The following TP63 variants were observed in gnomAD, a reference collection of about 807,000 sequenced individuals.
TP63 encodes tumor protein 63.
In TP63, 17 loss-of-function variants were observed where a neutral mutation model predicts 82.8. The ratio of observed to expected loss-of-function variants is 0.21; its 90% CI spans 0.14 to 0.31. The LOEUF is 0.31. Ranked by LOEUF, TP63 falls within the 10% of genes least tolerant of loss-of-function variation. The probability of loss-of-function intolerance (pLI) is 1.00; values close to 1 mark genes in which losing one functional copy is unlikely to be tolerated. For synonymous variants in TP63, 330 were observed against 321.7 expected, an observed-to-expected ratio of 1.03 and a Z score of -0.28; for missense variants, 648 against 895.3, an observed-to-expected ratio of 0.72 and a Z score of 3.52.
intron 10 of TP63, among the ~76,000 whole-genome samples, chr3:189,875,637 T>A (rs1188020612): frequency 5.7e-4 from 73 of 128,806 alleles, no homozygotes; most frequent in African/African-American, 1.7e-3. Flanking sequence ...TATATATATA[T>A]AAACTATTCT....
intron 12 of TP63, 109 bp from the exon 13 acceptor site, chr3:189,890,680 T>C: frequency 3.5e-6 from 3 of 847,218 alleles, no homozygotes; most frequent in Non-Finnish European, 5.9e-6. Context: ...ATCTCTGATG[T>C]GGGGCATCCA....
upstream of TP63, among the ~76,000 whole-genome samples, chr3:189,627,325 G>A (rs9830151): frequency 0.74 from 112,286 of 152,034 alleles, 43,440 homozygotes; most frequent in Middle Eastern, 0.87. Context: ...ACAAACAAAC[G>A]AGAGATCCAC....
At chr3:189,784,814 C>T (rs1724476980) in intron 3 of TP63, among the ~76,000 whole-genome samples, 1 of 152,006 alleles carries the variant, frequency 6.6e-6, no homozygotes, top group Non-Finnish European at 1.5e-5. Context: ...TGAACTAATT[C>T]AGTGGCCTTC....
intron 4 of TP63, among the ~76,000 whole-genome samples, chr3:189,812,075 C>G (rs183397424): frequency 3.3e-5 from 5 of 152,342 alleles, no homozygotes; most frequent in Admixed American, 6.5e-5. Context: ...ATGCTTATCG[C>G]ATAGTCTTCT....
chr3:189,779,977 T>C (rs901456591), intron 3 of TP63, among the ~76,000 whole-genome samples: 3 of 152,066 alleles, frequency 2.0e-5, no homozygotes, highest in Non-Finnish European at 2.9e-5. Flanking sequence ...GGCAATAAGA[T>C]CAGATCAACA....
At chr3:189,605,185 C>T in the TP63 span, among the ~76,000 whole-genome samples, 2 of 152,182 alleles carry the variant, frequency 1.3e-5, no homozygotes, top group Non-Finnish European at 2.9e-5. Flanking sequence ...AAATGCCTGC[C>T]TTGTCTACTG....
At chr3:189,820,221 G>A (rs1180140554) in intron 4 of TP63, among the ~76,000 whole-genome samples, 1 of 152,222 alleles carries the variant, frequency 6.6e-6, no homozygotes, top group Admixed American at 6.5e-5. Context: ...AAGTGATGTA[G>A]ATGGGGACAA....
At chr3:189,871,481 T>C (rs944475181) in intron 9 of TP63, among the ~76,000 whole-genome samples, 1 of 152,196 alleles carries the variant, frequency 6.6e-6, no homozygotes, top group Non-Finnish European at 1.5e-5. Flanking sequence ...CAAGAAAAGC[T>C]TCTCAGAGAA....
In TP63 at chr3:189,679,755, A is replaced by ACAGCTC. The variant is rs1332446984; in HGVS notation, c.62+48182_62+48187dup. On this transcript the variant is annotated intron_variant, in intron 1 of 13. Transcript: ENST00000264731. ...TCCTGTGTTTTCTTTCAGCAGTTCT[A>ACAGCTC]CAGCTCCAGGTTTTATGTAAAGTAT... Among the ~76,000 whole-genome samples, 13 of 152,288 alleles carry ACAGCTC rather than the reference A, an allele frequency of 8.5e-5. No individual in the cohort carries two copies. The South Asian group carries it at 1.2e-3, about 15-fold the overall frequency.
chr3:189,655,072 C>T (rs1174420711), intron 1 of TP63, among the ~76,000 whole-genome samples: 1 of 152,032 alleles, frequency 6.6e-6, no homozygotes, highest in African/African-American at 2.4e-5. Context: ...TTTATGGACT[C>T]ACAGAATTTG....
intron 1 of TP63, among the ~76,000 whole-genome samples, chr3:189,641,831 A>T (rs1361846955): frequency 1.3e-5 from 2 of 152,192 alleles, no homozygotes; most frequent in Non-Finnish European, 2.9e-5. Flanking sequence ...TATGTAATTT[A>T]CCTGAATTAT....
the TP63 span, among the ~76,000 whole-genome samples, chr3:189,601,278 C>T: frequency 4.6e-5 from 7 of 152,140 alleles, no homozygotes; most frequent in South Asian, 1.5e-3. Context: ...CTTTTAACAC[C>T]CATGAAAAAT....
chr3:189,611,965 G>A, the TP63 span, among the ~76,000 whole-genome samples: 1 of 152,062 alleles, frequency 6.6e-6, no homozygotes, highest in African/African-American at 2.4e-5. Flanking sequence ...AGTGATTTTT[G>A]TACATTGATT....
In TP63 at chr3:189,896,890, G is replaced by A; in HGVS notation, c.*2388G>A. On this transcript the variant is annotated 3_prime_UTR_variant, in exon 14 of 14. Coordinates refer to ENST00000264731, the MANE Select transcript of TP63 (RefSeq NM_003722.5). ...GGAGTTCTTGTGGCCTCAGCTCAAT[G>A]CAGTTAGCTGAAGAATTGAAAAGTT... 4.5e-6 allele frequency: 1 copy of A among 220,376 alleles called. No individual in the cohort carries two copies. The highest frequency in any genetic ancestry group is 9.1e-6 in the Non-Finnish European group (1 of 109,802). The allele number at this position is 220,376 out of a possible 1,614,324, so 13.7% of individuals were successfully genotyped here.
At chr3:189,740,739 A>G (rs2108506449) in intron 3 of TP63, among the ~76,000 whole-genome samples, 1 of 152,274 alleles carries the variant, frequency 6.6e-6, no homozygotes, top group South Asian at 2.1e-4. Context: ...ACCTCAGGTG[A>G]TCCACTCGCC....
chr3:189,746,595 TATAAG>T (rs1345470660), intron 3 of TP63, among the ~76,000 whole-genome samples: 3 of 151,752 alleles, frequency 2.0e-5, no homozygotes, highest in Admixed American at 6.6e-5. Flanking sequence ...ACATATAACA[TATAAG>T]ATAACATAAA....
intron 3 of TP63, among the ~76,000 whole-genome samples, chr3:189,752,489 T>TA (rs1299971060): frequency 6.6e-6 from 1 of 152,214 alleles, no homozygotes; most frequent in Non-Finnish European, 1.5e-5. Context: ...TATTATCCTT[T>TA]TTAATGTAAG....
chr3:189,700,769 A>T (rs183841479), intron 1 of TP63, among the ~76,000 whole-genome samples: 1 of 152,232 alleles, frequency 6.6e-6, no homozygotes, highest in Admixed American at 6.5e-5. Flanking sequence ...AGTAGCACTG[A>T]CTTCCCCACT....
chr3:189,667,069 C>T (rs1714457481), intron 1 of TP63, among the ~76,000 whole-genome samples: 1 of 147,528 alleles, frequency 6.8e-6, no homozygotes, highest in South Asian at 2.1e-4. Flanking sequence ...CATGATTGAA[C>T]CTACTCTCTG....
Sources: allele counts gnomAD v4.1 joint callset (sites outside exome capture counted in the v4.1 genomes callset), GRCh38; gene constraint gnomAD v4.1.1; transcripts MANE v1.5; gene names NCBI Gene and HGNC (gene_info 2026-07-23, HGNC 2026-07-21).